The following PAK5 variants were observed in gnomAD, a reference collection of about 807,000 sequenced individuals.
PAK5 encodes serine/threonine-protein kinase PAK 5.
Under a neutral mutation model 65.9 loss-of-function variants are expected in PAK5, and 16 were observed. The ratio of observed to expected loss-of-function variants is 0.24; its 90% CI spans 0.16 to 0.37. The LOEUF is 0.37. PAK5 is among the 10% of genes least tolerant of loss of function. The probability of loss-of-function intolerance (pLI) is 1.00; values close to 1 mark genes in which losing one functional copy is unlikely to be tolerated. For missense variants in PAK5, 785 were observed against 903.9 expected (o/e 0.87, Z 1.69); for synonymous variants, 371 against 354.9 (o/e 1.05, Z -0.51).
intron 3 of PAK5, among the ~76,000 whole-genome samples, chr20:9,629,915 G>A (rs1394321075): frequency 6.6e-6 from 1 of 152,172 alleles, no homozygotes; most frequent in East Asian, 1.9e-4. Context: ...GATGCTGATG[G>A]TGAAGGCTCA....
At chr20:9,831,837 T>A (rs1370601801) in intron 1 of PAK5, among the ~76,000 whole-genome samples, 1 of 152,168 alleles carries the variant, frequency 6.6e-6, no homozygotes, top group East Asian at 1.9e-4. Flanking sequence ...TGGAAAAGTG[T>A]AACAAAATAA....
chr20:9,749,528 C>G (rs6133745), intron 1 of PAK5, among the ~76,000 whole-genome samples: 31,198 of 151,928 alleles, frequency 0.21, 3,395 homozygotes, highest in East Asian at 0.31. Flanking sequence ...GGAAAGCAGA[C>G]GATAAATGAG....
chr20:9,828,536 T>A (rs1349989784), intron 1 of PAK5, among the ~76,000 whole-genome samples: 1 of 152,168 alleles, frequency 6.6e-6, no homozygotes, highest in Non-Finnish European at 1.5e-5. Context: ...AAGTGTGAAT[T>A]TTCTATTCTT....
intron 3 of PAK5, among the ~76,000 whole-genome samples, chr20:9,634,595 T>A (rs2046961710): frequency 6.6e-6 from 1 of 152,170 alleles, no homozygotes; most frequent in Non-Finnish European, 1.5e-5. Flanking sequence ...GTTGACATGG[T>A]GCACATCAAA....
intron 2 of PAK5, among the ~76,000 whole-genome samples, chr20:9,665,916 C>A (rs2047410937): frequency 6.6e-6 from 1 of 152,054 alleles, no homozygotes; most frequent in South Asian, 2.1e-4. Context: ...GATGGCAGAG[C>A]CTTTCAGTTT....
At chr20:9,763,980 A>C (rs1411296798) in intron 1 of PAK5, among the ~76,000 whole-genome samples, 1 of 152,180 alleles carries the variant, frequency 6.6e-6, no homozygotes, top group African/African-American at 2.4e-5. Context: ...TCATAAGACA[A>C]ACCCATTCTC....
intron 1 of PAK5, among the ~76,000 whole-genome samples, chr20:9,738,159 A>T (rs1276496481): frequency 6.6e-6 from 1 of 151,470 alleles, no homozygotes; most frequent in Non-Finnish European, 1.5e-5. Flanking sequence ...AAAAACAAAC[A>T]AACAAACAAA....
chr20:9,658,931 T>A (rs1354719070), intron 2 of PAK5, among the ~76,000 whole-genome samples: 3 of 152,140 alleles, frequency 2.0e-5, no homozygotes, highest in African/African-American at 7.2e-5. Context: ...AATTCACCAC[T>A]CAAGATATCA....
intron 3 of PAK5, among the ~76,000 whole-genome samples, chr20:9,603,889 A>G (rs1171201217): frequency 6.6e-6 from 1 of 152,146 alleles, no homozygotes; most frequent in Non-Finnish European, 1.5e-5. Flanking sequence ...CAGAACCCAC[A>G]TCTTCACTGC....
At chr20:9,555,403 T>G (rs972771386) in intron 7 of PAK5, among the ~76,000 whole-genome samples, 1 of 152,206 alleles carries the variant, frequency 6.6e-6, no homozygotes, top group Non-Finnish European at 1.5e-5. Flanking sequence ...CAATGACTTC[T>G]TAGTCTCATT....
At chr20:9,731,236 G>T (rs2048331970) in intron 1 of PAK5, among the ~76,000 whole-genome samples, 1 of 152,074 alleles carries the variant, frequency 6.6e-6, no homozygotes, top group African/African-American at 2.4e-5. Flanking sequence ...AATCAAATGT[G>T]AGTCACAAAT....
intron 3 of PAK5, among the ~76,000 whole-genome samples, chr20:9,596,367 A>T (rs6108316): frequency 0.71 from 107,834 of 151,980 alleles, 39,608 homozygotes; most frequent in African/African-American, 0.91. Context: ...CCAGGCACGG[A>T]GGCTCACGCC....
intron 7 of PAK5, 82 bp downstream of exon 7, chr20:9,557,526 A>G (rs1428046312): frequency 8.4e-7 from 1 of 1,184,232 alleles, no homozygotes; most frequent in Admixed American, 2.7e-5. Context: ...AGAGTTATAA[A>G]AAAGTGTTTC....
At chr20:9,791,492 G>A (rs2049049600) in intron 1 of PAK5, among the ~76,000 whole-genome samples, 1 of 151,980 alleles carries the variant, frequency 6.6e-6, no homozygotes, top group African/African-American at 2.4e-5. Flanking sequence ...TGTCTTTACT[G>A]CTTGACCTAT....
chr20:9,725,384 CTG>C (rs2048264430), intron 1 of PAK5, among the ~76,000 whole-genome samples: 2 of 152,052 alleles, frequency 1.3e-5, no homozygotes, highest in Non-Finnish European at 2.9e-5. Flanking sequence ...AAAAATAAGA[CTG>C]TACCATTTTT....
intron 1 of PAK5, among the ~76,000 whole-genome samples, chr20:9,806,880 T>C (rs1219261673): frequency 6.6e-6 from 1 of 152,174 alleles, no homozygotes; most frequent in Non-Finnish European, 1.5e-5. Flanking sequence ...GAATGGGTCT[T>C]ATGCATGAAA....
chr20:9,655,353 A>C (rs6086975), intron 2 of PAK5, among the ~76,000 whole-genome samples: 1 of 151,784 alleles, frequency 6.6e-6, no homozygotes, highest in Non-Finnish European at 1.5e-5. Context: ...CCCTGCACAC[A>C]TCCTGATTTT....
chr20:9,593,108 T>G (rs1368541078), intron 3 of PAK5, among the ~76,000 whole-genome samples: 1 of 151,880 alleles, frequency 6.6e-6, no homozygotes, highest in Non-Finnish European at 1.5e-5. Flanking sequence ...CAGACCAGCC[T>G]GGGCAACATA....
intron 1 of PAK5, among the ~76,000 whole-genome samples, chr20:9,766,473 A>ACT (rs2048767630): frequency 1.6e-5 from 1 of 61,128 alleles, no homozygotes; most frequent in African/African-American, 1.1e-4. Flanking sequence ...CAGAATATAT[A>ACT]TGTATATATA....
Sources: allele counts gnomAD v4.1 joint callset (sites outside exome capture counted in the v4.1 genomes callset), GRCh38; gene constraint gnomAD v4.1.1; transcripts MANE v1.5; gene names NCBI Gene and HGNC (gene_info 2026-07-23, HGNC 2026-07-21).